Variants in MTOR observed in about 807,000 individuals in gnomAD.
MTOR encodes mechanistic target of rapamycin kinase, also known as serine/threonine-protein kinase mTOR.
In MTOR, 70 loss-of-function variants were observed where a neutral mutation model predicts 319.8. The observed-to-expected ratio is 0.22, with a 90% CI of 0.18 to 0.27. MTOR has a LOEUF of 0.27. Among genes scored for constraint, MTOR ranks in the 10% least tolerant of loss-of-function variants. MTOR has a pLI of 1.00. For missense variants in MTOR, 1,890 were observed against 3,274.4 expected (o/e 0.58, Z 10.32); for synonymous variants, 1,183 against 1,211.4 (o/e 0.98, Z 0.49).
At chr1:11,206,807 A>C (rs1646152428) in intron 25 of MTOR, among the ~76,000 whole-genome samples, 1 of 152,198 alleles carries the variant, frequency 6.6e-6, no homozygotes, top group African/African-American at 2.4e-5. Context: ...GTGCCTGTTC[A>C]TGGAATGCCA....
chr1:11,227,975 G>C (rs1002350100), intron 19 of MTOR, among the ~76,000 whole-genome samples: 5 of 151,740 alleles, frequency 3.3e-5, no homozygotes, highest in Admixed American at 3.3e-4. Flanking sequence ...AGGATCAACA[G>C]TAATGGGACC....
chr1:11,248,322 C>T (rs1373346204), intron 6 of MTOR, among the ~76,000 whole-genome samples: 3 of 152,182 alleles, frequency 2.0e-5, no homozygotes, highest in African/African-American at 7.2e-5. Context: ...AACAATAAAG[C>T]AGCAGCAGAG....
intron 56 of MTOR, among the ~76,000 whole-genome samples, chr1:11,108,896 G>C (rs969674074): frequency 1.3e-5 from 2 of 152,020 alleles, no homozygotes; most frequent in African/African-American, 2.4e-5. Context: ...GCTGAGGCAG[G>C]AGAATTGTTT....
At chr1:11,232,352 G>T in intron 16 of MTOR, 84 bp downstream of exon 16, 1 of 948,558 alleles carries the variant, frequency 1.1e-6, no homozygotes. Flanking sequence ...GGCACTGGGT[G>T]AGGACACTAA....
intron 28 of MTOR, chr1:11,193,794 C>T (rs772117807): frequency 6.2e-7 from 1 of 1,613,068 alleles, no homozygotes; most frequent in Non-Finnish European, 8.5e-7. Context: ...AGGCCAGGGG[C>T]CCCATGACTG....
chr1:11,245,738 C>G (rs927598172), intron 8 of MTOR, among the ~76,000 whole-genome samples: 1 of 152,092 alleles, frequency 6.6e-6, no homozygotes, highest in Admixed American at 6.6e-5. Flanking sequence ...CAAATCATCT[C>G]TACAAAAAAT....
At position 11,126,605 on chromosome 1, in the gene MTOR, T is replaced by A; in HGVS notation, c.6526+17A>T. ...AGGAGGGAGAAGTGGGTGACAGAAG[T>A]GCACAATGGTCCTTACCCATAAGTG... is the stretch of plus-strand genomic sequence containing the variant. On this transcript the variant is annotated intron_variant, in intron 46 of 57. Coordinates refer to ENST00000361445, the MANE Select transcript of MTOR (RefSeq NM_004958.4). 8.7e-6 allele frequency: 14 copies of A among 1,611,332 alleles called. No homozygotes were observed. The highest frequency in any genetic ancestry group is 1.2e-5 in the Non-Finnish European group (14 of 1,178,226).
chr1:11,186,066 G>A (rs1375843902), intron 28 of MTOR, among the ~76,000 whole-genome samples: 1 of 121,220 alleles, frequency 8.2e-6, no homozygotes, highest in Non-Finnish European at 1.6e-5. Flanking sequence ...CTGGACGACA[G>A]AGCAAGACTC....
At chr1:11,206,310 T>C (rs1646136485) in intron 25 of MTOR, among the ~76,000 whole-genome samples, 2 of 152,210 alleles carry the variant, frequency 1.3e-5, no homozygotes, top group African/African-American at 4.8e-5. Flanking sequence ...TCTAATGAAA[T>C]GAGGTTGGGC....
intron 8 of MTOR, among the ~76,000 whole-genome samples, chr1:11,245,202 C>T (rs976882113): frequency 5.9e-5 from 9 of 152,126 alleles, no homozygotes; most frequent in African/African-American, 2.2e-4. Context: ...CTCATACAAT[C>T]CAAGCTAAAG....
intron 30 of MTOR, among the ~76,000 whole-genome samples, chr1:11,153,000 C>T (rs1367418719): frequency 2.0e-5 from 3 of 152,174 alleles, no homozygotes; most frequent in Non-Finnish European, 4.4e-5. Context: ...GGACTGAGAA[C>T]GGCAACATCA....
chr1:11,174,973 G>A (rs1248221273), intron 28 of MTOR, among the ~76,000 whole-genome samples: 3 of 152,162 alleles, frequency 2.0e-5, no homozygotes, highest in African/African-American at 4.8e-5. Context: ...TGTCAGCAAC[G>A]TGCCTATAAC....
intron 28 of MTOR, among the ~76,000 whole-genome samples, chr1:11,171,191 T>C (rs1571060491): frequency 1.4e-5 from 2 of 147,920 alleles, no homozygotes; most frequent in Admixed American, 1.3e-4. Flanking sequence ...CTAGACTCTA[T>C]CTCAAAAAAA....
At position 11,127,474 on chromosome 1, in the gene MTOR, T is replaced by TAA. The variant is rs1211714437; in HGVS notation, c.6216+148_6216+149dup. The stretch of plus-strand genomic sequence containing the variant: ...TGACCTCCATCAGAGCTCGTTTTAT[T>TAA]AAAGTCAGTGGAAAGGCCAGAGGAA... On this transcript the variant is annotated intron_variant, in intron 44 of 57. Coordinates refer to ENST00000361445, the MANE Select transcript of MTOR (RefSeq NM_004958.4). The surrounding 1 kb of genome is among the most constrained non-coding windows in gnomAD (Gnocchi z 5.5). 1 of 941,812 alleles carries TAA rather than the reference T, an allele frequency of 1.1e-6. No individual in the cohort carries two copies. Among genetic ancestry groups the TAA allele is most frequent in the Non-Finnish European group, 1.5e-6 (1 of 648,178 alleles). The allele number at this position is 941,812 out of a possible 1,614,324, so 58.3% of individuals were successfully genotyped here.
intron 34 of MTOR, among the ~76,000 whole-genome samples, chr1:11,141,740 A>C (rs1643715676): frequency 6.7e-6 from 1 of 149,850 alleles, no homozygotes; most frequent in Admixed American, 6.6e-5. Context: ...TAATCCCAGC[A>C]CTTTGGGAGG....
intron 11 of MTOR, among the ~76,000 whole-genome samples, chr1:11,239,326 T>C (rs2100905191): frequency 6.6e-6 from 1 of 152,308 alleles, no homozygotes; most frequent in African/African-American, 2.4e-5. Context: ...AGAGTCTGTG[T>C]AGGCTGGGTT....
At chr1:11,229,882 CA>C (rs1424046757) in intron 18 of MTOR, among the ~76,000 whole-genome samples, 1 of 152,062 alleles carries the variant, frequency 6.6e-6, no homozygotes, top group Non-Finnish European at 1.5e-5. Context: ...GGGGCTGAAG[CA>C]GGAGGATCAC....
intron 46 of MTOR, among the ~76,000 whole-genome samples, chr1:11,126,091 C>T (rs1164338611): frequency 6.7e-6 from 1 of 149,068 alleles, no homozygotes; most frequent in Non-Finnish European, 1.5e-5. Flanking sequence ...AGTGCCACCA[C>T]AGCACTCAGG....
chr1:11,168,122 G>C (rs1644705074), intron 28 of MTOR, among the ~76,000 whole-genome samples: 1 of 151,338 alleles, frequency 6.6e-6, no homozygotes, highest in African/African-American at 2.4e-5. Context: ...CCGGCAGGCA[G>C]GCAACATGTG....
Sources: allele counts gnomAD v4.1 joint callset (sites outside exome capture counted in the v4.1 genomes callset), GRCh38; gene constraint gnomAD v4.1.1; non-coding constraint Gnocchi (gnomAD v3.1); transcripts MANE v1.5; gene names NCBI Gene and HGNC (gene_info 2026-07-23, HGNC 2026-07-21).